The following ARHGEF28 variants were observed in gnomAD, a reference collection of about 807,000 sequenced individuals.
ARHGEF28 encodes the protein Rho guanine nucleotide exchange factor 28.
ARHGEF28 carries 152 observed loss-of-function variants against 206.6 expected under a neutral mutation model. The ratio of observed to expected loss-of-function variants is 0.74; its 90% confidence interval spans 0.64 to 0.84. The LOEUF is 0.84. Among genes scored for constraint, ARHGEF28 ranks in the 40% least tolerant of loss-of-function variants. The probability of loss-of-function intolerance (pLI) is 0.00; values close to 1 mark genes in which losing one functional copy is unlikely to be tolerated. For missense variants in ARHGEF28, 2,028 were observed against 2,073.2 expected (o/e 0.98, Z 0.42); for synonymous variants, 763 against 776.4 (o/e 0.98, Z 0.29).
intron 1 of ARHGEF28, among the ~76,000 whole-genome samples, chr5:73,644,464 C>G (rs1004152291): frequency 1.5e-4 from 23 of 152,192 alleles, no homozygotes; most frequent in African/African-American, 4.6e-4. Flanking sequence ...CTGCTGTCAG[C>G]ACGAAGTTTC....
At position 73,752,941 on chromosome 5, in the gene ARHGEF28, G is replaced by A. The variant is rs780912718; in HGVS notation, c.214G>A (p.Val72Met). 1 of 1,613,918 alleles carries A rather than the reference G, an allele frequency of 6.2e-7. No individual in the cohort carries two copies. The highest frequency in any genetic ancestry group is 8.5e-7 in the Non-Finnish European group (1 of 1,179,868). The change falls in exon 4 of 36, where the codon GTG becomes ATG. Residue 72 changes from valine to methionine, a missense_variant. Transcript: ENST00000513042. ...GCTTCAGGAGACGGTGACGGTATCT[G>A]TGTGCCTCTGCTCGGAAGGTTACTC... ...HGLQETVTVS[V>M]CLCSEGYSPV...
chr5:73,740,176 CA>C (rs550677123), intron 2 of ARHGEF28, among the ~76,000 whole-genome samples: 31,738 of 85,892 alleles, frequency 0.37, 3,360 homozygotes, highest in Non-Finnish European at 0.38. Context: ...GAACCTATCT[CA>C]AAAAAAAAAA....
chr5:73,737,082 C>T (rs527312291), intron 2 of ARHGEF28, among the ~76,000 whole-genome samples: 1 of 152,186 alleles, frequency 6.6e-6, no homozygotes, highest in South Asian at 2.1e-4. Context: ...TGAAACCTCC[C>T]CACCCCCACT....
chr5:73,675,159 G>A (rs1247759814), intron 1 of ARHGEF28, among the ~76,000 whole-genome samples: 1 of 152,170 alleles, frequency 6.6e-6, no homozygotes, highest in Non-Finnish European at 1.5e-5. Context: ...CAACCTGTGG[G>A]ATCTGATGCT....
At chr5:73,780,527 T>C in intron 6 of ARHGEF28, 149 bp from the exon 7 acceptor site, 2 of 743,894 alleles carry the variant, frequency 2.7e-6, no homozygotes, top group Non-Finnish European at 4.3e-6. Flanking sequence ...GCTGGCTATA[T>C]GTTCTCCCAG....
chr5:73,724,665 C>T (rs1288786929), intron 2 of ARHGEF28, among the ~76,000 whole-genome samples: 1 of 152,214 alleles, frequency 6.6e-6, no homozygotes, highest in African/African-American at 2.4e-5. Flanking sequence ...TGTTATGTAG[C>T]CATTCAAGTC....
At chr5:73,668,400 C>T (rs761930905) in intron 1 of ARHGEF28, among the ~76,000 whole-genome samples, 1 of 152,266 alleles carries the variant, frequency 6.6e-6, no homozygotes, top group South Asian at 2.1e-4. Flanking sequence ...CACACTATCC[C>T]ATGGTGGAAG....
intron 26 of ARHGEF28, 95 bp downstream of exon 26, chr5:73,887,774 C>A: frequency 9.6e-7 from 1 of 1,045,354 alleles, no homozygotes; most frequent in Non-Finnish European, 1.4e-6. Context: ...ATAATAGTCA[C>A]AGGGAAGTAT....
intron 2 of ARHGEF28, among the ~76,000 whole-genome samples, chr5:73,742,565 C>G (rs1410250982): frequency 2.6e-5 from 4 of 151,670 alleles, no homozygotes; most frequent in African/African-American, 9.7e-5. Context: ...TGGCTCACGC[C>G]TGTAATCCCA....
intron 35 of ARHGEF28, among the ~76,000 whole-genome samples, chr5:73,930,389 C>G (rs1764041404): frequency 6.6e-6 from 1 of 152,184 alleles, no homozygotes; most frequent in Non-Finnish European, 1.5e-5. Context: ...TAGGTTCCTC[C>G]TTCTGTGAAT....
intron 2 of ARHGEF28, among the ~76,000 whole-genome samples, chr5:73,734,340 A>G (rs1420410379): frequency 3.3e-5 from 5 of 152,080 alleles, no homozygotes; most frequent in Non-Finnish European, 1.5e-5. Flanking sequence ...GCCTTCCAGG[A>G]TAGCTGGGGT....
rs138147381 is a variant in ARHGEF28, at chr5:73,868,931, G to A, written c.2425+704G>A. 6.9e-3 allele frequency among the ~76,000 whole-genome samples: 1,044 copies of A among 152,302 alleles called. 13 individuals are homozygous for A. Among genetic ancestry groups the A allele is most frequent in the African/African-American group, 0.024 (986 of 41,560 alleles). Reference sequence around the variant, plus strand: ...CAAAGTGCCGGGATTACAGGCATGAGCCACTGTGCCCAGCCATTAAAGCAT... The same window carrying A: ...CAAAGTGCCGGGATTACAGGCATGAACCACTGTGCCCAGCCATTAAAGCAT... On this transcript the variant is annotated intron_variant, in intron 20 of 35. Coordinates refer to ENST00000513042, the MANE Select transcript of ARHGEF28 (RefSeq NM_001177693.2).
intron 10 of ARHGEF28, among the ~76,000 whole-genome samples, chr5:73,837,492 A>AT (rs912107375): frequency 1.3e-4 from 20 of 151,636 alleles, no homozygotes; most frequent in South Asian, 2.1e-4. Context: ...TTGAGCCCTT[A>AT]TTTTTTTTGT....
intron 30 of ARHGEF28, 70 bp from the exon 31 acceptor site, chr5:73,901,114 G>A (rs1420712745): frequency 7.8e-7 from 1 of 1,283,444 alleles, no homozygotes; most frequent in African/African-American, 1.5e-5. Context: ...GCCGTGTACA[G>A]AAGAACCCGG....
chr5:73,902,823 C>G (rs375462575), intron 31 of ARHGEF28: 1 of 152,138 alleles, frequency 6.6e-6, no homozygotes, highest in Non-Finnish European at 1.5e-5. Flanking sequence ...TAAGTAACCG[C>G]GGGTAGCACA....
chr5:73,682,561 T>C (rs1279207449), intron 1 of ARHGEF28, among the ~76,000 whole-genome samples: 4 of 152,042 alleles, frequency 2.6e-5, no homozygotes, highest in African/African-American at 9.7e-5. Flanking sequence ...TACAGGTGCC[T>C]GCCACCCTGC....
chr5:73,705,993 A>G (rs1290362027), intron 2 of ARHGEF28, among the ~76,000 whole-genome samples: 1 of 152,140 alleles, frequency 6.6e-6, no homozygotes, highest in Non-Finnish European at 1.5e-5. Flanking sequence ...ATGCTGGTAC[A>G]CTTAGCTGAA....
intron 2 of ARHGEF28, among the ~76,000 whole-genome samples, chr5:73,737,268 C>T (rs1030539948): frequency 6.6e-6 from 1 of 151,808 alleles, no homozygotes; most frequent in African/African-American, 2.4e-5. Flanking sequence ...GAATCTTTCT[C>T]TCTCCTGCTC....
chr5:73,877,575 C>T (rs1352076308), intron 22 of ARHGEF28, among the ~76,000 whole-genome samples: 3 of 143,592 alleles, frequency 2.1e-5, no homozygotes, highest in African/African-American at 5.3e-5. Context: ...ATAAATTTCC[C>T]TCTACACACT....
Sources: gnomAD v4.1 joint callset for allele counts (sites outside exome capture counted in the v4.1 genomes callset) on GRCh38, gnomAD v4.1.1 for gene constraint, MANE v1.5 for transcripts, NCBI Gene and HGNC (gene_info 2026-07-23, HGNC 2026-07-21) for gene names.